The following CAGE1 variants were observed in gnomAD, a reference collection of about 807,000 sequenced individuals.
CAGE1 encodes cancer antigen 1.
CAGE1 carries 66 observed loss-of-function variants against 94.9 expected under a neutral mutation model. The observed-to-expected ratio is 0.70, with a 90% confidence interval of 0.57 to 0.85. The LOEUF (loss-of-function observed/expected upper bound fraction) is 0.85. Ranked by LOEUF, CAGE1 falls within the 40% of genes least tolerant of loss-of-function variation. The pLI is 0.00. For synonymous variants in CAGE1, 319 were observed against 321.0 expected, an observed-to-expected ratio of 0.99 and a Z score of 0.07; for missense variants, 865 against 950.4, an observed-to-expected ratio of 0.91 and a Z score of 1.18.
intron 5 of CAGE1, among the ~76,000 whole-genome samples, chr6:7,371,069 A>C (rs929706497): frequency 3.7e-4 from 56 of 152,322 alleles, no homozygotes; most frequent in African/African-American, 1.3e-3. Flanking sequence ...CCAATTTAAA[A>C]TTCATCATGA....
intron 4 of CAGE1, among the ~76,000 whole-genome samples, chr6:7,374,731 GT>G (rs1231724397): frequency 2.0e-5 from 3 of 152,086 alleles, no homozygotes; most frequent in African/African-American, 7.2e-5. Context: ...TCTCGAGGAG[GT>G]TATAAAAAGA....
At chr6:7,387,500 T>G (rs1299426116) in intron 1 of CAGE1, among the ~76,000 whole-genome samples, 1 of 152,168 alleles carries the variant, frequency 6.6e-6, no homozygotes, top group East Asian at 1.9e-4. Flanking sequence ...ATCAGAGACC[T>G]AATAGTTTCC....
chr6:7,328,934 A>ATT lies in CAGE1; in HGVS notation c.2478+913_2478+914dup, dbSNP rs869241612. Among the ~76,000 whole-genome samples, 518 of 106,782 alleles carry ATT rather than the reference A, an allele frequency of 4.9e-3. 23 individuals are homozygous for ATT. The highest frequency in any genetic ancestry group is 0.02 in the East Asian group (65 of 3,332). The allele number at this position is 106,782 out of a possible 152,430, so 70.1% of individuals were successfully genotyped here. A position where few individuals can be genotyped will look rare whatever the true frequency, so the allele number is the denominator to read the frequency against. On this transcript the variant is annotated intron_variant, in intron 13 of 13. Coordinates refer to ENST00000502583, the MANE Select transcript of CAGE1 (RefSeq NM_001170692.2). ...TGTGTGTGTGTATATATATATATAT[A>ATT]TTTTTTTTTTTTTTTGAGATAGAGT...
At chr6:7,377,677 C>T (rs1470029814) in intron 4 of CAGE1, among the ~76,000 whole-genome samples, 2 of 152,220 alleles carry the variant, frequency 1.3e-5, no homozygotes, top group South Asian at 2.1e-4. Context: ...GCAGGGGTTG[C>T]GGTGAGCCAA....
chr6:7,335,602 C>CA (rs1758927909), intron 11 of CAGE1, among the ~76,000 whole-genome samples: 1 of 152,224 alleles, frequency 6.6e-6, no homozygotes. Flanking sequence ...TATTCAGAGA[C>CA]AGAGTCTCAC....
chr6:7,341,692 C>A, intron 11 of CAGE1: 1 of 712,538 alleles, frequency 1.4e-6, no homozygotes. Flanking sequence ...CAGGCAGGAG[C>A]TAAAGTCAAA....
intron 3 of CAGE1, 61 bp from the exon 4 acceptor site, chr6:7,379,081 GTTATAT>G (rs1244863130): frequency 8.7e-6 from 9 of 1,032,466 alleles, no homozygotes; most frequent in Admixed American, 3.3e-5. Context: ...GATGGTAACA[GTTATAT>G]TTATATTTAT....
intron 12 of CAGE1, 96 bp from the exon 13 acceptor site, chr6:7,329,984 C>A: frequency 3.3e-6 from 2 of 609,890 alleles, no homozygotes; most frequent in Non-Finnish European, 6.1e-6. Flanking sequence ...GCATATTTTC[C>A]CCTCACTTTC....
At chr6:7,378,483 A>T in intron 4 of CAGE1, 134 bp downstream of exon 4, 1 of 611,744 alleles carries the variant, frequency 1.6e-6, no homozygotes, top group Non-Finnish European at 2.7e-6. Flanking sequence ...TTTAAAATGC[A>T]TCCTTTAATA....
chr6:7,380,465 C>T lies in CAGE1; in HGVS notation c.284-1445G>A, dbSNP rs538914145. Among the ~76,000 whole-genome samples, 18 of 152,052 alleles carry T rather than the reference C, an allele frequency of 1.2e-4. No homozygotes were observed. In the East Asian group the frequency reaches 2.5e-3, roughly 21 times the overall value. Reference sequence around the variant, plus strand: ...CAGCCTGGTCAACATGGTGAAACCCCGTATCTACTAAAAATACAAAACTTA... The same window carrying T: ...CAGCCTGGTCAACATGGTGAAACCCTGTATCTACTAAAAATACAAAACTTA... On this transcript the variant is annotated intron_variant, in intron 3 of 13. Transcript: ENST00000502583.
chr6:7,343,198 A>AAAAAAAAAAAAAAAAAAAGAAAAG (rs574460085), intron 11 of CAGE1, among the ~76,000 whole-genome samples: 1 of 137,314 alleles, frequency 7.3e-6, no homozygotes, highest in Non-Finnish European at 1.5e-5. Context: ...CACAAAAAAA[A>AAAAAAAAAAAAAAAAAAAGAAAAG]AAAAGAAAAG....
At chr6:7,384,477 C>G (rs1344856532) in intron 3 of CAGE1, among the ~76,000 whole-genome samples, 1 of 152,018 alleles carries the variant, frequency 6.6e-6, no homozygotes, top group Non-Finnish European at 1.5e-5. Context: ...TAAACATGAT[C>G]AGTGTAGGGC....
chr6:7,369,583 C>G (rs149750580), intron 6 of CAGE1, among the ~76,000 whole-genome samples: 2 of 152,296 alleles, frequency 1.3e-5, no homozygotes, highest in African/African-American at 2.4e-5. Flanking sequence ...TTAATGTGAA[C>G]AGTCATTAAT....
At chr6:7,359,379 G>C (rs2714328) in intron 9 of CAGE1, among the ~76,000 whole-genome samples, 81,519 of 152,072 alleles carry the variant, frequency 0.54, 24,608 homozygotes, top group African/African-American at 0.83. Flanking sequence ...AAGTATCTTT[G>C]CCACCTCTTC....
chr6:7,344,330 C>A (rs1047419703), intron 11 of CAGE1, among the ~76,000 whole-genome samples: 4 of 152,248 alleles, frequency 2.6e-5, no homozygotes, highest in Non-Finnish European at 5.9e-5. Flanking sequence ...CCGGCCCTGC[C>A]AGCCCGGGCA....
intron 9 of CAGE1, among the ~76,000 whole-genome samples, chr6:7,364,130 A>C (rs761389900): frequency 6.6e-6 from 1 of 152,176 alleles, no homozygotes; most frequent in African/African-American, 2.4e-5. Flanking sequence ...AAGCATAGGT[A>C]CTGCTAATGG....
chr6:7,351,540 T>C (rs1372667749), intron 11 of CAGE1, among the ~76,000 whole-genome samples: 1 of 108,902 alleles, frequency 9.2e-6, no homozygotes, highest in Non-Finnish European at 2.0e-5. Context: ...AAAAATAAAA[T>C]AAAATAAAAT....
intron 3 of CAGE1, among the ~76,000 whole-genome samples, chr6:7,381,735 GCCAGGCTGGTCTTGAAAT>G (rs1370540801): frequency 6.6e-6 from 1 of 151,810 alleles, no homozygotes; most frequent in African/African-American, 2.4e-5. Flanking sequence ...CACCATGTTG[GCCAGGCTGGTCTTGAAAT>G]CCTGACCTCA....
intron 4 of CAGE1, among the ~76,000 whole-genome samples, chr6:7,376,858 C>G (rs1268171722): frequency 6.6e-6 from 1 of 152,140 alleles, no homozygotes; most frequent in Non-Finnish European, 1.5e-5. Flanking sequence ...GAGCTCAGCT[C>G]AATGATCATT....
Sources: gnomAD v4.1 joint callset for allele counts (sites outside exome capture counted in the v4.1 genomes callset) on GRCh38, gnomAD v4.1.1 for gene constraint, MANE v1.5 for transcripts, NCBI Gene and HGNC (gene_info 2026-07-23, HGNC 2026-07-21) for gene names.